RAB11FIP4: variants seen among roughly 807,000 people sequenced by gnomAD.
The protein encoded by RAB11FIP4 is RAB11 family interacting protein 4.
In RAB11FIP4, 23 loss-of-function variants were observed where a neutral mutation model predicts 74.3. The observed-to-expected ratio is 0.31, with a 90% confidence interval of 0.22 to 0.44. The LOEUF is 0.44. RAB11FIP4 is among the 20% of genes least tolerant of loss of function. RAB11FIP4 has a pLI of 1.00. For synonymous variants in RAB11FIP4, 360 were observed against 359.9 expected (o/e 1.00, Z 0.00); for missense variants, 630 against 863.9 (o/e 0.73, Z 3.39).
At chr17:31,523,869 C>T (rs1343483162) in intron 8 of RAB11FIP4, 24 bp from the exon 9 acceptor site, 1 of 1,568,074 alleles carries the variant, frequency 6.4e-7, no homozygotes, top group Non-Finnish European at 8.7e-7. Flanking sequence ...GTCTTCTCCA[C>T]CCCACCCCGG....
At chr17:31,470,036 C>A (rs2071722860) in intron 3 of RAB11FIP4, among the ~76,000 whole-genome samples, 1 of 152,184 alleles carries the variant, frequency 6.6e-6, no homozygotes, top group Non-Finnish European at 1.5e-5. Context: ...GCAGGGGTGC[C>A]CCTGCAGACT....
At chr17:31,431,721 T>TGCCAA in intron 1 of RAB11FIP4, 92 bp from the exon 2 acceptor site, 1 of 735,748 alleles carries the variant, frequency 1.4e-6, no homozygotes, top group Non-Finnish European at 2.5e-6. Context: ...GACACTGGTG[T>TGCCAA]CCCTCCCTCC....
chr17:31,424,048 G>A (rs528445490), intron 1 of RAB11FIP4, among the ~76,000 whole-genome samples: 2 of 152,106 alleles, frequency 1.3e-5, no homozygotes, highest in Admixed American at 6.5e-5. Flanking sequence ...CCCCTTTCCC[G>A]GCTTCTCATC....
intron 3 of RAB11FIP4, among the ~76,000 whole-genome samples, chr17:31,469,087 G>A (rs2071713506): frequency 1.3e-5 from 2 of 152,118 alleles, no homozygotes; most frequent in Non-Finnish European, 2.9e-5. Context: ...ATTGCCCTCA[G>A]GGTTCCTGTG....
chr17:31,470,314 C>T (rs1457004368), intron 3 of RAB11FIP4, among the ~76,000 whole-genome samples: 1 of 152,202 alleles, frequency 6.6e-6, no homozygotes, highest in African/African-American at 2.4e-5. Context: ...CAAACACCAG[C>T]CCTCTCCTGG....
At chr17:31,511,752 A>G (rs561359318) in intron 3 of RAB11FIP4, among the ~76,000 whole-genome samples, 1 of 152,266 alleles carries the variant, frequency 6.6e-6, no homozygotes, top group Non-Finnish European at 1.5e-5. Flanking sequence ...ACAGTGTGGC[A>G]TTGTTGGCCA....
chr17:31,508,168 G>A (rs2072387484), intron 3 of RAB11FIP4, among the ~76,000 whole-genome samples: 1 of 152,148 alleles, frequency 6.6e-6, no homozygotes, highest in South Asian at 2.1e-4. Context: ...ACTTGTTATT[G>A]GAACGGAAGT....
In RAB11FIP4 at chr17:31,512,750, C is replaced by T. The variant is rs900319779; in HGVS notation, c.337-4901C>T. Among the ~76,000 whole-genome samples, 2 of 152,156 alleles carry T rather than the reference C, an allele frequency of 1.3e-5. No homozygotes were observed. Among genetic ancestry groups the T allele is most frequent in the African/African-American group, 4.8e-5 (2 of 41,416 alleles). On this transcript the variant is annotated intron_variant, in intron 3 of 14. Transcript: ENST00000621161. The surrounding 1 kb of genome is among the most constrained non-coding windows in gnomAD (Gnocchi z 4.1). ...AGGCCCCCAAAAGAGCAGACACAGC[C>T]TTTCTGTGCAAACCCTGGGAACACC...
intron 3 of RAB11FIP4, among the ~76,000 whole-genome samples, chr17:31,504,217 G>A (rs1000458077): frequency 3.4e-5 from 5 of 146,348 alleles, no homozygotes; most frequent in Admixed American, 2.0e-4. Context: ...TGCAAGCTCT[G>A]CCTCCTGGGT....
intron 7 of RAB11FIP4, chr17:31,522,860 G>A (rs1410079056): frequency 5.6e-6 from 1 of 177,758 alleles, no homozygotes; most frequent in African/African-American, 2.4e-5. Flanking sequence ...AGGGCTCTGG[G>A]AGCTGGCAGC....
chr17:31,445,530 T>A (rs12939541), intron 3 of RAB11FIP4, among the ~76,000 whole-genome samples: 1,120 of 36,442 alleles, frequency 0.031, 57 homozygotes, highest in Admixed American at 0.042. Flanking sequence ...ATTTTCCCAA[T>A]TTTATATATA....
At chr17:31,498,883 TA>T (rs778110937) in intron 3 of RAB11FIP4, among the ~76,000 whole-genome samples, 7 of 152,182 alleles carry the variant, frequency 4.6e-5, no homozygotes, top group Non-Finnish European at 4.4e-5. Context: ...TCGCTCCTCT[TA>T]TCATGATGGT....
intron 1 of RAB11FIP4, among the ~76,000 whole-genome samples, chr17:31,402,824 A>C: frequency 6.6e-6 from 1 of 151,104 alleles, no homozygotes; most frequent in Non-Finnish European, 1.5e-5. Flanking sequence ...ACGGGGTTTC[A>C]CCGTGTTAGC....
intron 1 of RAB11FIP4, among the ~76,000 whole-genome samples, chr17:31,414,999 A>G (rs550226789): frequency 1.1e-4 from 17 of 152,300 alleles, no homozygotes; most frequent in South Asian, 8.3e-4. Flanking sequence ...TTGACCCAAG[A>G]GGGCATCCCT....
chr17:31,453,504 C>T (rs1597925647), intron 3 of RAB11FIP4, among the ~76,000 whole-genome samples: 1 of 151,958 alleles, frequency 6.6e-6, no homozygotes, highest in East Asian at 1.9e-4. Flanking sequence ...TCACTTTCTT[C>T]ACTTGCTAGA....
intron 3 of RAB11FIP4, among the ~76,000 whole-genome samples, chr17:31,463,596 C>T (rs2071653527): frequency 6.6e-6 from 1 of 152,088 alleles, no homozygotes; most frequent in Admixed American, 6.6e-5. Context: ...CTCCGTCTCC[C>T]AGGCTCAAGC....
chr17:31,490,337 C>T (rs921172815), intron 3 of RAB11FIP4, among the ~76,000 whole-genome samples: 1 of 152,146 alleles, frequency 6.6e-6, no homozygotes, highest in African/African-American at 2.4e-5. Flanking sequence ...CTGGGCAGCC[C>T]GTTATGCTGA....
At chr17:31,413,453 T>C (rs1204631003) in intron 1 of RAB11FIP4, among the ~76,000 whole-genome samples, 2 of 150,180 alleles carry the variant, frequency 1.3e-5, no homozygotes, top group Non-Finnish European at 1.5e-5. Flanking sequence ...GAGAGTGTCT[T>C]CCCTCTTCCC....
intron 3 of RAB11FIP4, among the ~76,000 whole-genome samples, chr17:31,458,435 G>A (rs2071601517): frequency 6.6e-6 from 1 of 152,238 alleles, no homozygotes; most frequent in African/African-American, 2.4e-5. Flanking sequence ...CCTTCCTGCT[G>A]CTTTTGGAGG....
Sources: allele counts gnomAD v4.1 joint callset (sites outside exome capture counted in the v4.1 genomes callset), GRCh38; gene constraint gnomAD v4.1.1; non-coding constraint Gnocchi (gnomAD v3.1); transcripts MANE v1.5; gene names NCBI Gene and HGNC (gene_info 2026-07-23, HGNC 2026-07-21).